PTPRG: variants seen among roughly 807,000 people sequenced by gnomAD.
PTPRG encodes receptor-type tyrosine-protein phosphatase gamma.
In PTPRG, 102 loss-of-function variants were observed where a neutral mutation model predicts 165.3. The observed-to-expected ratio is 0.62, with a 90% CI of 0.53 to 0.73. PTPRG has a LOEUF of 0.73. Among genes scored for constraint, PTPRG ranks in the 30% least tolerant of loss-of-function variants. PTPRG has a pLI of 0.00. For synonymous variants in PTPRG, 675 were observed against 669.5 expected (o/e 1.01, Z -0.13); for missense variants, 1,866 against 1,861.4 (o/e 1.00, Z -0.05).
chr3:61,598,728 G>A (rs1700765007), intron 1 of PTPRG, among the ~76,000 whole-genome samples: 1 of 152,100 alleles, frequency 6.6e-6, no homozygotes, highest in African/African-American at 2.4e-5. Flanking sequence ...TCATAGTTTT[G>A]GAGGGCAGAA....
chr3:61,817,140 AT>A (rs2035803086), intron 2 of PTPRG, among the ~76,000 whole-genome samples: 1 of 126,636 alleles, frequency 7.9e-6, no homozygotes, highest in African/African-American at 3.1e-5. Context: ...CATAATACAT[AT>A]ATTACATATA....
intron 16 of PTPRG, among the ~76,000 whole-genome samples, chr3:62,258,780 C>T (rs1701609884): frequency 6.6e-6 from 1 of 152,202 alleles, no homozygotes; most frequent in Non-Finnish European, 1.5e-5. Context: ...CGTTGGATGA[C>T]ACCATTACCT....
At chr3:62,148,070 C>T (rs1355965219) in intron 6 of PTPRG, among the ~76,000 whole-genome samples, 2 of 152,042 alleles carry the variant, frequency 1.3e-5, no homozygotes, top group East Asian at 1.9e-4. Flanking sequence ...CACTTCAACC[C>T]GGGAGGTGGA....
intron 15 of PTPRG, among the ~76,000 whole-genome samples, chr3:62,244,233 C>T (rs960934921): frequency 1.3e-5 from 2 of 152,158 alleles, no homozygotes; most frequent in African/African-American, 2.4e-5. Flanking sequence ...ATTCTTTCCT[C>T]TAAAATAATG....
chr3:61,941,313 C>T (rs72884141), intron 2 of PTPRG, among the ~76,000 whole-genome samples: 1 of 152,226 alleles, frequency 6.6e-6, no homozygotes. Flanking sequence ...CTCAGAGAGT[C>T]AGATGATCAG....
intron 2 of PTPRG, chr3:61,749,243 C>T (rs1475548330): frequency 3.8e-6 from 2 of 526,792 alleles, no homozygotes; most frequent in Non-Finnish European, 3.5e-6. Context: ...AGTTATTGTA[C>T]CAAACTTGTA....
chr3:61,707,333 T>A (rs190446549), intron 1 of PTPRG, among the ~76,000 whole-genome samples: 2 of 152,200 alleles, frequency 1.3e-5, no homozygotes, highest in African/African-American at 4.8e-5. Flanking sequence ...TTATAACAAA[T>A]TGGCTCATCG....
intron 14 of PTPRG, among the ~76,000 whole-genome samples, chr3:62,236,669 G>A (rs1328446605): frequency 6.6e-6 from 1 of 152,150 alleles, no homozygotes; most frequent in Non-Finnish European, 1.5e-5. Context: ...TGTGATTATA[G>A]AACCATTGAG....
In PTPRG at chr3:62,202,133, G is replaced by A. The variant is rs142405968; in HGVS notation, c.1377+579G>A. Among the ~76,000 whole-genome samples, 9 of 152,234 alleles carry A rather than the reference G, an allele frequency of 5.9e-5. No individual in the cohort carries two copies. The East Asian group carries it at 1.4e-3, about 23-fold the overall frequency. ...CCCGTTTTACAGATGAGGAAACCGA[G>A]GCTCAGTGAGTTAAAGTAATGTGTC... is the stretch of plus-strand genomic sequence containing the variant. On this transcript the variant is annotated intron_variant, in intron 11 of 29. Transcript: ENST00000474889.
At chr3:61,612,696 T>G (rs1024189167) in intron 1 of PTPRG, among the ~76,000 whole-genome samples, 2 of 152,192 alleles carry the variant, frequency 1.3e-5, no homozygotes. Flanking sequence ...ACTTTAGAGT[T>G]CTTGGAATGG....
chr3:62,279,082 A>G (rs1220318937), intron 26 of PTPRG, among the ~76,000 whole-genome samples: 1 of 152,002 alleles, frequency 6.6e-6, no homozygotes, highest in Non-Finnish European at 1.5e-5. Context: ...CTGACCTCTC[A>G]GTTCTGAGAT....
At chr3:61,807,704 G>A (rs191474474) in intron 2 of PTPRG, among the ~76,000 whole-genome samples, 1 of 152,324 alleles carries the variant, frequency 6.6e-6, no homozygotes, top group African/African-American at 2.4e-5. Flanking sequence ...ATGTGTTCAT[G>A]TAAGGGTATG....
At chr3:61,612,164 A>G (rs563159175) in intron 1 of PTPRG, among the ~76,000 whole-genome samples, 1 of 152,138 alleles carries the variant, frequency 6.6e-6, no homozygotes, top group Non-Finnish European at 1.5e-5. Context: ...GCTGGTCTTG[A>G]ACTCCTGACC....
At chr3:62,133,814 G>A (rs1419909658) in intron 6 of PTPRG, among the ~76,000 whole-genome samples, 1 of 152,044 alleles carries the variant, frequency 6.6e-6, no homozygotes, top group Non-Finnish European at 1.5e-5. Context: ...GTGAGACTCT[G>A]TCTCTACTAA....
chr3:61,686,440 T>C (rs1703634671), intron 1 of PTPRG, among the ~76,000 whole-genome samples: 1 of 152,174 alleles, frequency 6.6e-6, no homozygotes, highest in East Asian at 1.9e-4. Context: ...TAGACGTCAC[T>C]ATTGGGGACT....
intron 5 of PTPRG, among the ~76,000 whole-genome samples, chr3:62,085,283 G>A (rs922370904): frequency 2.6e-5 from 4 of 152,160 alleles, no homozygotes; most frequent in Non-Finnish European, 4.4e-5. Flanking sequence ...TGCTGTTTGT[G>A]TCAGAAGTGT....
Position 62,240,808 on chromosome 3 carries a change from C to T in PTPRG, c.2376-2999C>T, listed in dbSNP as rs753856215. 8.5e-5 allele frequency among the ~76,000 whole-genome samples: 13 copies of T among 152,232 alleles called. No homozygotes were observed. The highest frequency in any genetic ancestry group is 1.8e-4 in the Non-Finnish European group (12 of 68,044). On this transcript the variant is annotated intron_variant, in intron 14 of 29. Transcript: ENST00000474889. The surrounding 1 kb of genome is among the most constrained non-coding windows in gnomAD (Gnocchi z 5.1). Reference sequence around the variant, plus strand: ...TAATCAGGCCTCAGCTCAAATGCCACCTCCTCAGTGAAGTCCCTTCCTTCA... The same window carrying T: ...TAATCAGGCCTCAGCTCAAATGCCATCTCCTCAGTGAAGTCCCTTCCTTCA...
At chr3:62,186,253 C>T (rs1439150061) in intron 8 of PTPRG, among the ~76,000 whole-genome samples, 1 of 152,114 alleles carries the variant, frequency 6.6e-6, no homozygotes, top group Admixed American at 6.5e-5. Context: ...TGGCAGTGAC[C>T]CCAGGAATGA....
intron 1 of PTPRG, among the ~76,000 whole-genome samples, chr3:61,637,737 T>C (rs1420890447): frequency 6.6e-6 from 1 of 152,152 alleles, no homozygotes; most frequent in Non-Finnish European, 1.5e-5. Flanking sequence ...TTTGTGTGTG[T>C]GTGTTTATCG....
Sources: allele counts gnomAD v4.1 joint callset (sites outside exome capture counted in the v4.1 genomes callset), GRCh38; gene constraint gnomAD v4.1.1; non-coding constraint Gnocchi (gnomAD v3.1); transcripts MANE v1.5; gene names NCBI Gene and HGNC (gene_info 2026-07-23, HGNC 2026-07-21).